FOXP1: variants seen among roughly 807,000 people sequenced by gnomAD.
FOXP1 encodes forkhead box P1.
A neutral mutation model predicts 98.2 loss-of-function variants in FOXP1; 15 were observed. The observed-to-expected ratio is 0.15, with a 90% CI of 0.10 to 0.24. The LOEUF is 0.24. Among genes scored for constraint, FOXP1 ranks in the 10% least tolerant of loss-of-function variants. FOXP1 has a pLI of 1.00. For missense variants in FOXP1, 633 were observed against 848.5 expected, an observed-to-expected ratio of 0.75 and a Z score of 3.15; for synonymous variants, 371 against 314.5, an observed-to-expected ratio of 1.18 and a Z score of -1.90.
intron 2 of FOXP1, among the ~76,000 whole-genome samples, chr3:71,551,504 G>T (rs1039245496): frequency 6.6e-6 from 1 of 152,178 alleles, no homozygotes; most frequent in Non-Finnish European, 1.5e-5. Flanking sequence ...GGCCTGGACA[G>T]ACAGATTACA....
chr3:71,359,321 C>T (rs184573937), intron 3 of FOXP1, 77 bp from the exon 4 acceptor site: 14 of 152,262 alleles, frequency 9.2e-5, no homozygotes. Context: ...GACACACGAG[C>T]CTTTGGTATC....
chr3:71,455,385 A>AT (rs1434372732), intron 3 of FOXP1, among the ~76,000 whole-genome samples: 3 of 152,198 alleles, frequency 2.0e-5, no homozygotes, highest in African/African-American at 7.2e-5. Context: ...CAACTAATTT[A>AT]ACAAGCAGCA....
intron 2 of FOXP1, among the ~76,000 whole-genome samples, chr3:71,526,202 A>G (rs1023967966): frequency 6.6e-6 from 1 of 152,194 alleles, no homozygotes; most frequent in Non-Finnish European, 1.5e-5. Flanking sequence ...GGTGAACACA[A>G]TGACCAAAAT....
intron 3 of FOXP1, among the ~76,000 whole-genome samples, chr3:71,472,722 GAGA>G (rs531234663): frequency 1.1e-3 from 166 of 152,308 alleles, no homozygotes; most frequent in African/African-American, 3.8e-3. Context: ...TAGTCCATAA[GAGA>G]AGTAGATTAG....
intron 7 of FOXP1, among the ~76,000 whole-genome samples, chr3:71,086,040 G>T (rs71298368): frequency 6.6e-6 from 1 of 151,976 alleles, no homozygotes; most frequent in Non-Finnish European, 1.5e-5. Context: ...CCATTTTATA[G>T]ACAAAGAAAC....
chr3:71,413,133 C>CACA (rs1456115230), intron 3 of FOXP1, among the ~76,000 whole-genome samples: 1 of 141,862 alleles, frequency 7.0e-6, no homozygotes, highest in African/African-American at 2.9e-5. Context: ...CACACACGCA[C>CACA]CCCCAAACAG....
At chr3:71,430,869 C>T (rs2084647397) in intron 3 of FOXP1, among the ~76,000 whole-genome samples, 1 of 152,100 alleles carries the variant, frequency 6.6e-6, no homozygotes, top group Non-Finnish European at 1.5e-5. Context: ...AGAATGGCCA[C>T]AGGGGAAGGC....
chr3:71,371,120 G>A (rs1416767599), intron 3 of FOXP1, among the ~76,000 whole-genome samples: 1 of 152,108 alleles, frequency 6.6e-6, no homozygotes, highest in African/African-American at 2.4e-5. Context: ...TGGCTACAGT[G>A]AGGCCAGAAA....
intron 4 of FOXP1, among the ~76,000 whole-genome samples, chr3:71,340,640 T>A (rs1479149998): frequency 1.3e-5 from 2 of 152,226 alleles, no homozygotes; most frequent in African/African-American, 2.4e-5. Context: ...AACAATGATC[T>A]GGGTAAATCA....
At chr3:71,378,776 T>A (rs1010483178) in intron 3 of FOXP1, among the ~76,000 whole-genome samples, 3 of 151,958 alleles carry the variant, frequency 2.0e-5, no homozygotes, top group Non-Finnish European at 4.4e-5. Flanking sequence ...TATTAATTTG[T>A]TTCTGTACCT....
intron 2 of FOXP1, among the ~76,000 whole-genome samples, chr3:71,517,668 ACT>A (rs368118277): frequency 2.6e-5 from 4 of 152,068 alleles, no homozygotes; most frequent in African/African-American, 9.6e-5. Flanking sequence ...AAGAGAAAAC[ACT>A]CTCTTTTATT....
intron 3 of FOXP1, among the ~76,000 whole-genome samples, chr3:71,461,265 A>G (rs911957412): frequency 1.3e-5 from 2 of 152,206 alleles, no homozygotes; most frequent in Non-Finnish European, 2.9e-5. Context: ...TTTGTTTCAT[A>G]TTAGAATAAA....
rs553583010 is a variant in FOXP1, at chr3:71,396,997, C to T, written c.-167-37753G>A. ...ATATATATATGTGTATATATATACA[C>T]ATATATATGTGTATATATATATATA... On this transcript the variant is annotated intron_variant, in intron 3 of 20. Transcript: ENST00000649528. Among the ~76,000 whole-genome samples, 27 of 40,608 alleles carry T rather than the reference C, an allele frequency of 6.6e-4. 2 individuals carry two copies. The highest frequency in any genetic ancestry group is 2.1e-3 in the African/African-American group (17 of 8,258). The allele number at this position is 40,608 out of a possible 152,430, so 26.6% of individuals were successfully genotyped here.
At chr3:71,339,442 GTA>G (rs1457260209) in intron 4 of FOXP1, among the ~76,000 whole-genome samples, 5 of 152,228 alleles carry the variant, frequency 3.3e-5, no homozygotes, top group African/African-American at 1.2e-4. Context: ...AAGGAAGACT[GTA>G]TAATTACTAG....
intron 2 of FOXP1, among the ~76,000 whole-genome samples, chr3:71,521,404 G>A (rs1397158226): frequency 2.6e-5 from 4 of 152,092 alleles, no homozygotes; most frequent in Admixed American, 6.5e-5. Flanking sequence ...GCAAGCGCCT[G>A]TAATCTCAGC....
In FOXP1 at chr3:71,048,895, A is replaced by AT. The variant is rs554381085; in HGVS notation, c.511-1801dup. ...ATTTTGTATTTATGTAAAATGACTGATGCCTTTTCTGTTGTCTCTGTGGCC... is the reference window on the plus strand; with the variant it reads ...ATTTTGTATTTATGTAAAATGACTGATTGCCTTTTCTGTTGTCTCTGTGGCC... On this transcript the variant is annotated intron_variant, in intron 9 of 20. Coordinates refer to ENST00000649528, the MANE Select transcript of FOXP1 (RefSeq NM_001349338.3). Among the ~76,000 whole-genome samples the AT allele has an allele frequency of 1.3e-3, 198 of 152,236 alleles. 1 individual carries two copies. Among genetic ancestry groups the AT allele is most frequent in the African/African-American group, 4.5e-3 (188 of 41,522 alleles).
At chr3:71,496,821 C>CA (rs1474835940) in intron 2 of FOXP1, among the ~76,000 whole-genome samples, 1 of 151,158 alleles carries the variant, frequency 6.6e-6, no homozygotes, top group African/African-American at 2.5e-5. Context: ...ACAAAAGAAA[C>CA]AAACAACAAC....
chr3:70,966,222 T>G lies in FOXP1; in HGVS notation c.1723-166A>C, dbSNP rs189662959. ...AAGATTTTGCTTTAAAAACGACTCGTGGCACCTGTCCCAAGCTTGGTTTTG... is the reference window on the plus strand; with the variant it reads ...AAGATTTTGCTTTAAAAACGACTCGGGGCACCTGTCCCAAGCTTGGTTTTG... On this transcript the variant is annotated intron_variant, in intron 19 of 20. Coordinates refer to ENST00000649528, the MANE Select transcript of FOXP1 (RefSeq NM_001349338.3). 3.2e-5 allele frequency: 22 copies of G among 691,112 alleles called. No individual in the cohort carries two copies. The African/African-American group carries it at 3.3e-4, about 10-fold the overall frequency. 42.8% of individuals were successfully genotyped at this position (691,112 alleles called of 1,614,324 possible).
chr3:71,096,558 T>C (rs2107637388), intron 7 of FOXP1, among the ~76,000 whole-genome samples: 1 of 152,100 alleles, frequency 6.6e-6, no homozygotes, highest in East Asian at 1.9e-4. Context: ...ATACAAACAA[T>C]GGAGGAAAAT....
Sources: gnomAD v4.1 joint callset for allele counts (sites outside exome capture counted in the v4.1 genomes callset) on GRCh38, gnomAD v4.1.1 for gene constraint, MANE v1.5 for transcripts, NCBI Gene and HGNC (gene_info 2026-07-23, HGNC 2026-07-21) for gene names.